Variants in SUPT3H observed in about 807,000 individuals in gnomAD.
SUPT3H encodes the protein transcription initiation protein SPT3 homolog.
A neutral mutation model predicts 44.3 loss-of-function variants in SUPT3H; 44 were observed. The observed-to-expected ratio is 0.99, with a 90% CI of 0.78 to 1.28. The LOEUF (loss-of-function observed/expected upper bound fraction) is 1.28, where lower values mean the gene tolerates loss of function less well. SUPT3H is among the 50% of genes most tolerant of loss of function. The probability of loss-of-function intolerance (pLI) is 0.00; values close to 1 mark genes in which losing one functional copy is unlikely to be tolerated. For missense variants in SUPT3H, 380 were observed against 387.1 expected, an observed-to-expected ratio of 0.98 and a Z score of 0.15; for synonymous variants, 124 against 125.6, an observed-to-expected ratio of 0.99 and a Z score of 0.09.
At chr6:44,928,263 G>C (rs1206963233) in intron 10 of SUPT3H, among the ~76,000 whole-genome samples, 1 of 152,036 alleles carries the variant, frequency 6.6e-6, no homozygotes, top group Non-Finnish European at 1.5e-5. Flanking sequence ...AAATCACTCA[G>C]GACATTCTAG....
chr6:44,977,689 GCT>G lies in SUPT3H; in HGVS notation c.505-15863_505-15862del, dbSNP rs1194933244. Among the ~76,000 whole-genome samples, 3 of 151,838 alleles carry G rather than the reference GCT, an allele frequency of 2.0e-5. No homozygotes were observed. The East Asian group carries it at 5.8e-4, about 29-fold the overall frequency. ...TTAAGATTCCTATTCCAAAATCAGT[GCT>G]CTTTCTACTATACTACTGACTTCTA... is the stretch of plus-strand genomic sequence containing the variant. On this transcript the variant is annotated intron_variant, in intron 6 of 10. Coordinates refer to ENST00000371459, the MANE Select transcript of SUPT3H (RefSeq NM_003599.4).
chr6:45,086,869 G>C (rs1180649840), intron 3 of SUPT3H, among the ~76,000 whole-genome samples: 1 of 151,830 alleles, frequency 6.6e-6, no homozygotes, highest in African/African-American at 2.4e-5. Flanking sequence ...CAGTAATAGT[G>C]AACACTAGGT....
chr6:44,908,905 T>C (rs750859624), intron 10 of SUPT3H, among the ~76,000 whole-genome samples: 3 of 152,182 alleles, frequency 2.0e-5, no homozygotes, highest in Non-Finnish European at 4.4e-5. Flanking sequence ...GAAAATTGGT[T>C]TAGAAACTCT....
intron 3 of SUPT3H, among the ~76,000 whole-genome samples, chr6:45,034,625 A>C (rs1787415293): frequency 6.7e-6 from 1 of 149,822 alleles, no homozygotes; most frequent in Non-Finnish European, 1.5e-5. Context: ...TTGTAATTCC[A>C]GATTCAGAGA....
intron 3 of SUPT3H, among the ~76,000 whole-genome samples, chr6:45,080,771 G>A (rs1472539283): frequency 1.3e-5 from 2 of 151,956 alleles, no homozygotes; most frequent in Non-Finnish European, 2.9e-5. Flanking sequence ...GTTACCAGAG[G>A]CTGAGAAGGG....
intron 3 of SUPT3H, among the ~76,000 whole-genome samples, chr6:45,078,964 G>A (rs1399978240): frequency 2.6e-5 from 4 of 152,070 alleles, no homozygotes; most frequent in Admixed American, 2.6e-4. Flanking sequence ...GTGCTTTCTT[G>A]ATCTCAATGT....
chr6:45,082,334 C>T (rs1795921930), intron 3 of SUPT3H, among the ~76,000 whole-genome samples: 1 of 152,088 alleles, frequency 6.6e-6, no homozygotes, highest in African/African-American at 2.4e-5. Flanking sequence ...AAAGACACAA[C>T]AACAACAACA....
chr6:45,324,611 T>C (rs1455875172), intron 2 of SUPT3H, among the ~76,000 whole-genome samples: 4 of 149,626 alleles, frequency 2.7e-5, no homozygotes, highest in African/African-American at 9.9e-5. Context: ...GGGAGAGAGA[T>C]TGGTAGAGAG....
chr6:44,938,499 G>C (rs1771867065), intron 9 of SUPT3H, among the ~76,000 whole-genome samples: 1 of 152,140 alleles, frequency 6.6e-6, no homozygotes. Flanking sequence ...TCTGAAGTCA[G>C]GAAATGTAAT....
chr6:45,334,722 C>A (rs1271796968), intron 2 of SUPT3H, among the ~76,000 whole-genome samples: 1 of 150,842 alleles, frequency 6.6e-6, no homozygotes, highest in Non-Finnish European at 1.5e-5. Context: ...TGCATTCACA[C>A]CAATGACTAC....
intron 10 of SUPT3H, among the ~76,000 whole-genome samples, chr6:44,881,978 T>C (rs963041441): frequency 6.6e-6 from 1 of 151,768 alleles, no homozygotes; most frequent in African/African-American, 2.4e-5. Context: ...CTAAAAGAAC[T>C]AGAGAAGCAA....
At chr6:44,821,302 T>C (rs906319221) in intron 11 of SUPT3H, among the ~76,000 whole-genome samples, 9 of 152,216 alleles carry the variant, frequency 5.9e-5, no homozygotes, top group Middle Eastern at 3.2e-3. Context: ...TTAGCTTCCA[T>C]TGAAATGATA....
At chr6:44,933,232 G>A (rs552250660) in intron 9 of SUPT3H, among the ~76,000 whole-genome samples, 273 of 152,156 alleles carry the variant, frequency 1.8e-3, no homozygotes, top group African/African-American at 6.4e-3. Context: ...TATCATACCT[G>A]GGATTGTCAT....
chr6:45,117,124 G>A (rs1300126), intron 2 of SUPT3H, among the ~76,000 whole-genome samples: 1 of 151,862 alleles, frequency 6.6e-6, no homozygotes, highest in Non-Finnish European at 1.5e-5. Flanking sequence ...TAAAAAAAAA[G>A]TTATAAAACT....
At position 44,932,739 on chromosome 6, in the gene SUPT3H, C is replaced by A; in HGVS notation, c.826G>T (p.Ala276Ser). ...AESTAACGVE[A>S]HSDAIQPCHI... ...CAGGGCTGGATGGCATCGCTGTGAG[C>A]CTCAACACCACAGGCTGCAGTGCTC... Residue 276 changes from alanine (A) to serine (S), a missense_variant, in exon 10 of 11, where the codon GCT (alanine) becomes TCT (serine). By Grantham distance (99) the Ala-to-Ser change is moderately conservative. Transcript: ENST00000371459. 1 of 1,608,984 alleles carries A rather than the reference C, an allele frequency of 6.2e-7. No individual in the cohort carries two copies. The highest frequency in any genetic ancestry group is 8.5e-7 in the Non-Finnish European group (1 of 1,178,070).
chr6:45,207,847 C>G (rs895918414), intron 2 of SUPT3H, among the ~76,000 whole-genome samples: 7 of 152,182 alleles, frequency 4.6e-5, no homozygotes. Context: ...TGGAGCCTAC[C>G]TATTCCTCAA....
chr6:45,169,573 T>C (rs975118490), intron 2 of SUPT3H, among the ~76,000 whole-genome samples: 2 of 152,224 alleles, frequency 1.3e-5, no homozygotes, highest in Non-Finnish European at 2.9e-5. Context: ...TCAGGTCCTA[T>C]TGTAAACTTG....
At chr6:45,238,287 C>T (rs1406412719) in intron 2 of SUPT3H, among the ~76,000 whole-genome samples, 3 of 152,186 alleles carry the variant, frequency 2.0e-5, no homozygotes, top group African/African-American at 7.2e-5. Flanking sequence ...CAGACTACTC[C>T]TTACTCCTAC....
intron 2 of SUPT3H, among the ~76,000 whole-genome samples, chr6:45,106,916 A>G (rs181582547): frequency 4.1e-4 from 62 of 152,356 alleles, no homozygotes; most frequent in Admixed American, 9.1e-4. Flanking sequence ...GCAACCAGCA[A>G]ATCATGTAAC....
Sources: gnomAD v4.1 joint callset for allele counts (sites outside exome capture counted in the v4.1 genomes callset) on GRCh38, gnomAD v4.1.1 for gene constraint, MANE v1.5 for transcripts, NCBI Gene and HGNC (gene_info 2026-07-23, HGNC 2026-07-21) for gene names.